The following ATF7 variants were observed in gnomAD, a reference collection of about 807,000 sequenced individuals.
The protein encoded by ATF7 is cyclic AMP-dependent transcription factor ATF-7.
Under a neutral mutation model 50.4 loss-of-function variants are expected in ATF7, and 10 were observed. The observed-to-expected ratio is 0.20, with a 90% confidence interval of 0.12 to 0.34. The LOEUF (loss-of-function observed/expected upper bound fraction) is 0.34, where lower values mean the gene tolerates loss of function less well. Among genes scored for constraint, ATF7 ranks in the 10% least tolerant of loss-of-function variants. ATF7 has a pLI of 1.00. For synonymous variants in ATF7, 201 were observed against 226.4 expected, an observed-to-expected ratio of 0.89 and a Z score of 1.01; for missense variants, 465 against 613.9, an observed-to-expected ratio of 0.76 and a Z score of 2.56.
chr12:53,594,725 T>A (rs1943081786), intron 2 of ATF7, among the ~76,000 whole-genome samples: 1 of 151,786 alleles, frequency 6.6e-6, no homozygotes, highest in African/African-American at 2.4e-5. Context: ...CCATTTCTAC[T>A]AAAAAATACA....
intron 10 of ATF7, 129 bp from the exon 11 acceptor site, chr12:53,523,513 G>C (rs1331477013): frequency 5.9e-6 from 4 of 677,974 alleles, no homozygotes; most frequent in South Asian, 1.7e-5. Flanking sequence ...CAAGACTCCT[G>C]ATCCAGCAAG....
chr12:53,609,157 C>CTT (rs535786548), intron 1 of ATF7, among the ~76,000 whole-genome samples: 122 of 141,354 alleles, frequency 8.6e-4, no homozygotes, highest in Middle Eastern at 3.7e-3. Context: ...CTCTTTTTTC[C>CTT]TTTTTTTTTT....
In ATF7 at chr12:53,524,038, CTT is replaced by C. The variant is rs1329722001; in HGVS notation, c.1125+524_1125+525del. ...CTAGAAAAGGCAGATTAAAGAGGGA[CTT>C]TGTTTCTATTCTGTACATTTGTGTG... On this transcript the variant is annotated intron_variant, in intron 10 of 11. Transcript: ENST00000420353. The surrounding 1 kb of genome is among the most constrained non-coding windows in gnomAD (Gnocchi z 4.6). Among the ~76,000 whole-genome samples, 2 of 152,036 alleles carry C rather than the reference CTT, an allele frequency of 1.3e-5. No homozygotes were observed. The highest frequency in any genetic ancestry group is 2.9e-5 in the Non-Finnish European group (2 of 68,004).
At chr12:53,548,059 C>T (rs1355763826) in intron 3 of ATF7, among the ~76,000 whole-genome samples, 1 of 151,102 alleles carries the variant, frequency 6.6e-6, no homozygotes, top group Non-Finnish European at 1.5e-5. Flanking sequence ...AGAGAGGGGG[C>T]CTTCATTGTG....
chr12:53,605,005 C>T (rs1220788294), intron 1 of ATF7, among the ~76,000 whole-genome samples: 1 of 152,110 alleles, frequency 6.6e-6, no homozygotes, highest in African/African-American at 2.4e-5. Flanking sequence ...GTATACATAT[C>T]ATTTAGACGC....
chr12:53,543,590 G>T (rs1031095534), intron 3 of ATF7, 142 bp from the exon 4 acceptor site: 3 of 856,350 alleles, frequency 3.5e-6, no homozygotes, highest in African/African-American at 1.7e-5. Context: ...CTTTAATGGA[G>T]CTCTAGTAGG....
chr12:53,524,540 A>T lies in ATF7; in HGVS notation c.1125+24T>A. On this transcript the variant is annotated intron_variant, in intron 10 of 11. Coordinates refer to ENST00000420353, the MANE Select transcript of ATF7 (RefSeq NM_006856.3). This position sits in a 1 kb window ranked among gnomAD's most constrained non-coding sequence, Gnocchi z 4.6. The stretch of plus-strand genomic sequence containing the variant: ...CACTTTCTGGATTTTCAACAATTCC[A>T]ATAAGCATCCAGGACCCACTCACAC... 1 of 1,611,278 alleles carries T rather than the reference A, an allele frequency of 6.2e-7. No individual in the cohort carries two copies. The highest frequency in any genetic ancestry group is 8.5e-7 in the Non-Finnish European group (1 of 1,179,354).
intron 11 of ATF7, among the ~76,000 whole-genome samples, chr12:53,518,922 C>T (rs772479915): frequency 1.1e-4 from 16 of 151,442 alleles, no homozygotes; most frequent in East Asian, 1.9e-4. Flanking sequence ...GGCATGGTGG[C>T]GGGCGCCTGT....
intron 9 of ATF7, among the ~76,000 whole-genome samples, chr12:53,528,901 A>C (rs1592791804): frequency 6.6e-6 from 1 of 152,274 alleles, no homozygotes; most frequent in East Asian, 1.9e-4. Flanking sequence ...GACTAGGCCA[A>C]GAGAAACGGG....
chr12:53,525,843 T>C (rs749230909), intron 9 of ATF7, among the ~76,000 whole-genome samples: 1 of 152,170 alleles, frequency 6.6e-6, no homozygotes, highest in Non-Finnish European at 1.5e-5. Flanking sequence ...GTCAACCATC[T>C]GTAGAAAAAA....
intron 2 of ATF7, among the ~76,000 whole-genome samples, chr12:53,564,105 G>A (rs1451369139): frequency 6.6e-6 from 1 of 152,238 alleles, no homozygotes; most frequent in Non-Finnish European, 1.5e-5. Flanking sequence ...GCCAGATACA[G>A]TGGCTTATGC....
intron 2 of ATF7, 101 bp from the exon 3 acceptor site, chr12:53,552,738 C>T: frequency 2.3e-6 from 2 of 884,052 alleles, no homozygotes; most frequent in Non-Finnish European, 3.6e-6. Flanking sequence ...TGAGATTGGT[C>T]CCTGGAAAGA....
chr12:53,564,125 A>T (rs540301939), intron 2 of ATF7, among the ~76,000 whole-genome samples: 1 of 152,310 alleles, frequency 6.6e-6, no homozygotes, highest in South Asian at 2.1e-4. Context: ...CCTGTAATCC[A>T]GCACTTTGGG....
chr12:53,600,019 T>G (rs1393998439), intron 2 of ATF7, among the ~76,000 whole-genome samples: 4 of 152,190 alleles, frequency 2.6e-5, no homozygotes, highest in African/African-American at 7.2e-5. Context: ...ACATACAATA[T>G]ACACATATGA....
Position 53,533,190 on chromosome 12 carries a change from C to T in ATF7, c.630G>A (p.Gly210=), listed in dbSNP as rs1939009195. 1 of 1,613,654 alleles carries T rather than the reference C, an allele frequency of 6.2e-7. No homozygotes were observed. The highest frequency in any genetic ancestry group is 8.5e-7 in the Non-Finnish European group (1 of 1,179,762). ...TAACAGACGGCATCTGTACTGGAGG[C>T]CCTGGCAACACAGGCATGGTCTGTC... is the stretch of plus-strand genomic sequence containing the variant. The part of the protein sequence containing the change: ...ANGQTMPVLP[G]PPVQMPSVIS... Residue 210 remains glycine, a synonymous_variant, in exon 7 of 12, where the codon GGG becomes GGA. Transcript: ENST00000420353.
chr12:53,547,798 G>A (rs915444214), intron 3 of ATF7, among the ~76,000 whole-genome samples: 18 of 150,408 alleles, frequency 1.2e-4, no homozygotes, highest in South Asian at 8.4e-4. Context: ...TATGTATGAT[G>A]TATTTATTTT....
intron 9 of ATF7, among the ~76,000 whole-genome samples, chr12:53,529,734 C>CACACACACATAT (rs1298379846): frequency 5.6e-5 from 8 of 143,556 alleles, no homozygotes; most frequent in African/African-American, 8.1e-5. Flanking sequence ...CACACACACA[C>CACACACACATAT]ATATATATAT....
chr12:53,529,640 A>AATAT (rs1273506026), intron 9 of ATF7, among the ~76,000 whole-genome samples: 3 of 145,656 alleles, frequency 2.1e-5, no homozygotes, highest in African/African-American at 5.0e-5. Flanking sequence ...TATTATTTAT[A>AATAT]ATATATATAT....
At chr12:53,604,142 T>C (rs1943509769) in intron 1 of ATF7, among the ~76,000 whole-genome samples, 1 of 152,098 alleles carries the variant, frequency 6.6e-6, no homozygotes, top group Admixed American at 6.6e-5. Flanking sequence ...TAAGAAGCAC[T>C]GACAAGGAGA....
Sources: allele counts gnomAD v4.1 joint callset (sites outside exome capture counted in the v4.1 genomes callset), GRCh38; gene constraint gnomAD v4.1.1; non-coding constraint Gnocchi (gnomAD v3.1); transcripts MANE v1.5; gene names NCBI Gene and HGNC (gene_info 2026-07-23, HGNC 2026-07-21).